NUP214: variants seen among roughly 807,000 people sequenced by gnomAD.
The protein encoded by NUP214 is nuclear pore complex protein Nup214.
Under a neutral mutation model 196.2 loss-of-function variants are expected in NUP214, and 79 were observed. The observed-to-expected ratio is 0.40, with a 90% CI of 0.34 to 0.49. The LOEUF (loss-of-function observed/expected upper bound fraction) is 0.49. Among genes scored for constraint, NUP214 ranks in the 20% least tolerant of loss-of-function variants. The pLI, the probability that NUP214 is intolerant of heterozygous loss-of-function variation, is 0.58. For missense variants in NUP214, 2,468 were observed against 2,539.0 expected (o/e 0.97, Z 0.60); for synonymous variants, 1,020 against 990.5 (o/e 1.03, Z -0.56).
intron 30 of NUP214, among the ~76,000 whole-genome samples, chr9:131,214,816 C>T (rs1834346063): frequency 2.0e-5 from 3 of 152,194 alleles, no homozygotes; most frequent in South Asian, 2.1e-4. Context: ...TTCAGCCAAA[C>T]GCTGGAGGAA....
intron 15 of NUP214, 23 bp from the exon 16 acceptor site, chr9:131,150,593 T>C (rs1832228267): frequency 1.2e-6 from 2 of 1,608,886 alleles, no homozygotes; most frequent in Non-Finnish European, 1.7e-6. Context: ...GACTGAGTAG[T>C]TCCTCACTTG....
At chr9:131,189,538 G>T (rs1035757261) in intron 26 of NUP214, among the ~76,000 whole-genome samples, 4 of 152,180 alleles carry the variant, frequency 2.6e-5, no homozygotes, top group African/African-American at 7.2e-5. Flanking sequence ...TAAAAATTCT[G>T]TTGGTCCACA....
At chr9:131,215,485 T>A in intron 31 of NUP214, 117 bp downstream of exon 31, 1 of 1,128,180 alleles carries the variant, frequency 8.9e-7, no homozygotes, top group Non-Finnish European at 1.2e-6. Flanking sequence ...GAAGGCTCAT[T>A]TAAAATATCT....
chr9:131,171,504 C>T (rs993069085), intron 21 of NUP214, among the ~76,000 whole-genome samples: 1 of 150,512 alleles, frequency 6.6e-6, no homozygotes, highest in Non-Finnish European at 1.5e-5. Context: ...ACAAACCTAG[C>T]GGCTTAAAAC....
rs148919578 is a variant in NUP214 at position 131,197,760 on chromosome 9, T to G, written c.4266T>G (p.Ser1422=). The stretch of plus-strand genomic sequence containing the variant: ...TGCCAGTCACCAGTGCAGGATCCTC[T>G]GGGGTCATCAGTTTTGGTGGGACAT... The part of the protein sequence containing the change: ...GSLPVTSAGS[S]GVISFGGTSL... The change falls in exon 29 of 36, where the codon TCT becomes TCG. Residue 1422 remains serine, a synonymous_variant. Transcript: ENST00000359428. 1.9e-6 allele frequency: 3 copies of G among 1,614,210 alleles called. No individual in the cohort carries two copies. The highest frequency in any genetic ancestry group is 1.3e-5 in the African/African-American group (1 of 75,052).
chr9:131,216,329 A>G (rs1834395789), intron 31 of NUP214, among the ~76,000 whole-genome samples: 1 of 138,216 alleles, frequency 7.2e-6, no homozygotes. Flanking sequence ...GGTTCATGCC[A>G]TTGTCCTGCC....
chr9:131,222,502 T>G (rs1834589800), intron 31 of NUP214: 1 of 292,268 alleles, frequency 3.4e-6, no homozygotes, highest in African/African-American at 2.2e-5. Flanking sequence ...AGGAGCCTTT[T>G]CAGTGGGACC....
rs1375136311 is a variant in NUP214, at chr9:131,197,592, A to G, written c.4098A>G (p.Ser1366=). 8 of 1,614,096 alleles carry G rather than the reference A, an allele frequency of 5.0e-6. No homozygotes were observed. In the African/African-American group the frequency reaches 6.7e-5, roughly 13 times the overall value. Residue 1366 remains serine (S), a synonymous_variant, in exon 29 of 36, where the codon TCA becomes TCG. Transcript: ENST00000359428. ...SLTSTQPTKT[S]GVPSGFNFTA... is the part of the protein sequence containing the mutation. ...CTAGTACCCAGCCAACCAAGACGTC[A>G]GGCGTGCCCTCAGGGTTTAATTTTA...
At chr9:131,220,352 GAGACTC>G (rs1473719335) in intron 31 of NUP214, among the ~76,000 whole-genome samples, 1 of 152,228 alleles carries the variant, frequency 6.6e-6, no homozygotes, top group Non-Finnish European at 1.5e-5. Flanking sequence ...ATTAGAAACA[GAGACTC>G]AGTCATTGTT....
rs137987116 is a variant in NUP214 at position 131,132,631 on chromosome 9, G to A, written c.699G>A (p.Pro233=). The change falls in exon 6 of 36, where the codon CCG becomes CCA. Residue 233 remains proline, a synonymous_variant. Transcript: ENST00000359428. Reference sequence around the variant, plus strand: ...AAAAAAAAGTCATTCCTTGTCCTCCGTTTTATGAGTCAGATCATCCTGTCA... The same window carrying A: ...AAAAAAAAGTCATTCCTTGTCCTCCATTTTATGAGTCAGATCATCCTGTCA... The part of the protein sequence containing the change: ...LQEKKVIPCP[P]FYESDHPVRV... 139 of 1,613,872 alleles carry A rather than the reference G, an allele frequency of 8.6e-5. No homozygotes were observed. The highest frequency in any genetic ancestry group is 2.2e-4 in the Admixed American group (13 of 59,980).
At chr9:131,156,016 AATG>A in intron 17 of NUP214, among the ~76,000 whole-genome samples, 1 of 152,078 alleles carries the variant, frequency 6.6e-6, no homozygotes, top group East Asian at 1.9e-4. Context: ...TTCTGTGAAG[AATG>A]ATGATGGTAT....
At position 131,164,073 on chromosome 9, in the gene NUP214, C is replaced by T; in HGVS notation, c.2822C>T (p.Pro941Leu). The change falls in exon 21 of 36, where the codon CCC (proline) becomes CTC (leucine). Residue 941 changes from proline to leucine, a missense_variant. This residue lies in a region of NUP214 where 1,801 missense variants were observed against 1,779.4 expected (regional missense o/e 1.01). Transcript: ENST00000359428. ...GGATTTCTTGCAGCCAAACTGTCCC[C>T]CATGAAACAGGCACAACTGAGAAAC... ...SLPKVPAKLS[P>L]MKQAQLRNFL... The T allele has an allele frequency of 6.2e-7, 1 of 1,614,154 alleles. No homozygotes were observed. The highest frequency in any genetic ancestry group is 8.5e-7 in the Non-Finnish European group (1 of 1,180,032).
In NUP214 at chr9:131,174,452, T is replaced by TC. The variant is rs1463160508; in HGVS notation, c.3157+134_3157+135insC. On this transcript the variant is annotated intron_variant, in intron 22 of 35. Transcript: ENST00000359428. ...GCCCACTTTTTTTTTTTTTTCTTTT[T>TC]TTCTTTTTTTTTTTGAGGTGGAGTC... 520 of 534,516 alleles carry TC rather than the reference T, an allele frequency of 9.7e-4. 12 individuals carry two copies. The highest frequency in any genetic ancestry group is 1.2e-3 in the Non-Finnish European group (430 of 347,684). 33.1% of individuals were successfully genotyped at this position (534,516 alleles called of 1,614,324 possible). A position where few individuals can be genotyped will look rare whatever the true frequency, so the allele number is the denominator to read the frequency against.
At chr9:131,210,099 A>G (rs1834196025) in intron 30 of NUP214, among the ~76,000 whole-genome samples, 1 of 152,234 alleles carries the variant, frequency 6.6e-6, no homozygotes, top group Non-Finnish European at 1.5e-5. Flanking sequence ...CTCTCTAGGA[A>G]AAGCATTAAT....
At chr9:131,207,999 A>G (rs1327206272) in intron 30 of NUP214, among the ~76,000 whole-genome samples, 2 of 152,208 alleles carry the variant, frequency 1.3e-5, no homozygotes, top group Non-Finnish European at 2.9e-5. Context: ...GGAAATGAAA[A>G]TCAAAACCAC....
chr9:131,222,723 A>G (rs1222484777), intron 31 of NUP214, 55 bp from the exon 32 acceptor site: 13 of 1,558,284 alleles, frequency 8.3e-6, no homozygotes, highest in Admixed American at 1.8e-5. Flanking sequence ...TGTTCTGAGA[A>G]GCAGGTAAGG....
At chr9:131,231,912 CAAAAAAAAAAAA>C (rs900440054) in intron 34 of NUP214, among the ~76,000 whole-genome samples, 11 of 43,958 alleles carry the variant, frequency 2.5e-4, no homozygotes, top group Admixed American at 1.6e-3. Flanking sequence ...ACAACAACAG[CAAAAAAAAAAAA>C]AAAAAAAAAA....
In NUP214 at chr9:131,175,576, G is replaced by A. The variant is rs752806960; in HGVS notation, c.3274G>A (p.Ala1092Thr). 1 of 1,614,172 alleles carries A rather than the reference G, an allele frequency of 6.2e-7. No individual in the cohort carries two copies. Among genetic ancestry groups the A allele is most frequent in the Non-Finnish European group, 8.5e-7 (1 of 1,180,032 alleles). Residue 1092 changes from alanine (A) to threonine (T), a missense_variant, in exon 23 of 36, where the codon GCT (alanine) becomes ACT (threonine). Ala to Thr is a moderately conservative substitution (Grantham distance 58). Around this residue, in one of 5 missense-constraint regions of NUP214, gnomAD observed 1,801 missense variants for 1,779.4 expected, o/e 1.01. Coordinates refer to ENST00000359428, the MANE Select transcript of NUP214 (RefSeq NM_005085.4). Reference sequence around the variant, plus strand: ...CCACCCCATCTCAGCCCCGCAGGCAGCTGCCGCAGCAGCACTCAGGCGGCA... The same window carrying A: ...CCACCCCATCTCAGCCCCGCAGGCAACTGCCGCAGCAGCACTCAGGCGGCA... Reference protein sequence around the residue: ...PSHPISAPQAAAAAALRRQMA... With the variant: ...PSHPISAPQATAAAALRRQMA...
chr9:131,177,787 G>T (rs1445017816), intron 23 of NUP214, among the ~76,000 whole-genome samples: 4 of 152,098 alleles, frequency 2.6e-5, no homozygotes, highest in Non-Finnish European at 5.9e-5. Context: ...TCCCATTATT[G>T]TCCAAGCTCC....
Sources: gnomAD v4.1 joint callset for allele counts (sites outside exome capture counted in the v4.1 genomes callset) on GRCh38, gnomAD v4.1.1 for gene constraint, gnomAD v4.1.1 regional missense constraint, MANE v1.5 for transcripts, NCBI Gene and HGNC (gene_info 2026-07-23, HGNC 2026-07-21) for gene names.